The following SLC40A1 variants were observed in gnomAD, a reference collection of about 807,000 sequenced individuals.
The protein encoded by SLC40A1 is ferroportin.
SLC40A1 carries 16 observed loss-of-function variants against 53.5 expected under a neutral mutation model. The ratio of observed to expected loss-of-function variants is 0.30; its 90% CI spans 0.20 to 0.45. SLC40A1 has a LOEUF of 0.45. Ranked by LOEUF, SLC40A1 falls within the 20% of genes least tolerant of loss-of-function variation. The pLI is 1.00. For missense variants in SLC40A1, 545 were observed against 695.4 expected (o/e 0.78, Z 2.43); for synonymous variants, 247 against 253.2 (o/e 0.98, Z 0.23).
At position 189,563,760 on chromosome 2, in the gene SLC40A1, C is replaced by T. The variant is rs564905172; in HGVS notation, c.1226G>A (p.Arg409Gln). The T allele has an allele frequency of 1.7e-5, 28 of 1,614,086 alleles. 1 individual carries two copies. In the South Asian group the frequency reaches 1.9e-4, roughly 11 times the overall value. ...DLSVSPFEDIRSRFIQGESIT... is the reference protein window; with the variant it reads ...DLSVSPFEDIQSRFIQGESIT... ...TGACTCTCCTTGAATGAACCTTGAT[C>T]GGATATCTTCAAAAGGAGAAACGGA... Residue 409 changes from arginine (R) to glutamine (Q), a missense_variant, in exon 7 of 8, where the codon CGA becomes CAA. Arg to Gln is a conservative substitution (Grantham distance 43, BLOSUM62 1). Coordinates refer to ENST00000261024, the MANE Select transcript of SLC40A1 (RefSeq NM_014585.6).
At chr2:189,578,193 A>G in intron 2 of SLC40A1, 28 of 985,078 alleles carry the variant, frequency 2.8e-5, no homozygotes, top group Non-Finnish European at 3.1e-5. Flanking sequence ...GCCACACAAG[A>G]GAAAAAACAT....
intron 5 of SLC40A1, among the ~76,000 whole-genome samples, chr2:189,571,152 A>C (rs963270457): frequency 1.3e-4 from 20 of 152,312 alleles, no homozygotes; most frequent in African/African-American, 4.6e-4. Flanking sequence ...TGAACAACTA[A>C]GATGGTAAGC....
Position 189,572,853 on chromosome 2 carries a change from C to G in SLC40A1, c.380G>C (p.Trp127Ser). The G allele has an allele frequency of 6.2e-7, 1 of 1,607,064 alleles. No homozygotes were observed. The highest frequency in any genetic ancestry group is 8.5e-7 in the Non-Finnish European group (1 of 1,173,764). Residue 127 changes from tryptophan to serine, a missense_variant, in exon 4 of 8, where the codon TGG becomes TCG. Trp to Ser is a radical substitution (Grantham distance 177). Around this residue, in one of 4 missense-constraint regions of SLC40A1, gnomAD observed 197 missense variants for 278.8 expected, o/e 0.71. Coordinates refer to ENST00000261024, the MANE Select transcript of SLC40A1 (RefSeq NM_014585.6). ...KHELLTMYHG[W>S]VLTSCYILII... ...ATCTCATTGAGAACTTACGAGAACC[C>G]ATCCATGGTACATGGTCAGAAGCTC...
chr2:189,565,198 G>C (rs1464355211), intron 6 of SLC40A1, among the ~76,000 whole-genome samples, 156 bp downstream of exon 6: 1 of 152,132 alleles, frequency 6.6e-6, no homozygotes, highest in Non-Finnish European at 1.5e-5. Context: ...ATCCTCAAAA[G>C]CCTGCTCTTG....
rs186073747 is a variant in SLC40A1, at chr2:189,571,243, A to G, written c.514+472T>C. Among the ~76,000 whole-genome samples, 282 of 152,320 alleles carry G rather than the reference A, an allele frequency of 1.9e-3. 1 individual carries two copies. Among genetic ancestry groups the G allele is most frequent in the African/African-American group, 6.4e-3 (267 of 41,588 alleles). On this transcript the variant is annotated intron_variant, in intron 5 of 7. Transcript: ENST00000261024. Reference sequence around the variant, plus strand: ...ATTACATTGTACATAATGTAATAAAATTATAGATTATAACTTTAAGATGGA... The same window carrying G: ...ATTACATTGTACATAATGTAATAAAGTTATAGATTATAACTTTAAGATGGA...
intron 5 of SLC40A1, among the ~76,000 whole-genome samples, chr2:189,568,102 T>C (rs1053688059): frequency 2.6e-5 from 4 of 151,852 alleles, no homozygotes; most frequent in Non-Finnish European, 5.9e-5. Context: ...ATATTATACT[T>C]AGAAAGTTAA....
chr2:189,561,570 G>A lies in SLC40A1; in HGVS notation c.*308C>T, dbSNP rs1172532171. 3.3e-5 allele frequency: 10 copies of A among 302,568 alleles called. No homozygotes were observed. Among genetic ancestry groups the A allele is most frequent in the Non-Finnish European group, 5.0e-5 (8 of 160,264 alleles). The allele number at this position is 302,568 out of a possible 1,614,324, so 18.7% of individuals were successfully genotyped here. On this transcript the variant is annotated 3_prime_UTR_variant, in exon 8 of 8. Coordinates refer to ENST00000261024, the MANE Select transcript of SLC40A1 (RefSeq NM_014585.6). ...TCTGTCAAATGATAACTGAATTCAC[G>A]TGACTAACCACTCTTTTACGTAAGA... is the stretch of plus-strand genomic sequence containing the variant.
At chr2:189,579,502 G>A (rs180904989) in intron 2 of SLC40A1, among the ~76,000 whole-genome samples, 1 of 152,274 alleles carries the variant, frequency 6.6e-6, no homozygotes, top group African/African-American at 2.4e-5. Context: ...TAGCAGATAT[G>A]TCTATTTACC....
intron 2 of SLC40A1, among the ~76,000 whole-genome samples, chr2:189,578,067 C>G (rs2031345676): frequency 1.3e-5 from 2 of 152,110 alleles, no homozygotes; most frequent in Admixed American, 1.3e-4. Context: ...ACGTTCAGTG[C>G]ATAAGAAATC....
At chr2:189,566,997 A>G (rs1378580549) in intron 5 of SLC40A1, among the ~76,000 whole-genome samples, 1 of 152,204 alleles carries the variant, frequency 6.6e-6, no homozygotes, top group Non-Finnish European at 1.5e-5. Context: ...GTTGGATTTA[A>G]CCAAAGTCTT....
chr2:189,578,639 T>A (rs2031367304), intron 2 of SLC40A1, among the ~76,000 whole-genome samples: 1 of 152,226 alleles, frequency 6.6e-6, no homozygotes, highest in African/African-American at 2.4e-5. Flanking sequence ...AAACTATTGC[T>A]TTTTATTTAT....
chr2:189,565,710 T>C (rs530071973), intron 5 of SLC40A1, 111 bp from the exon 6 acceptor site: 2 of 1,466,486 alleles, frequency 1.4e-6, no homozygotes, highest in East Asian at 4.5e-5. Context: ...TAAAATGTGG[T>C]TTTCTAAAAG....
At chr2:189,579,974 A>T in intron 1 of SLC40A1, 94 bp from the exon 2 acceptor site, 1 of 1,279,828 alleles carries the variant, frequency 7.8e-7, no homozygotes, top group East Asian at 2.4e-5. Context: ...TTAGAACATG[A>T]TTATTAAAAA....
intron 4 of SLC40A1, 142 bp from the exon 5 acceptor site, chr2:189,571,983 G>A (rs1431841499): frequency 5.3e-5 from 36 of 674,014 alleles, no homozygotes; most frequent in South Asian, 2.4e-4. Flanking sequence ...ATCATTTTAC[G>A]TTATAGATAT....
At chr2:189,569,832 A>G (rs2031065082) in intron 5 of SLC40A1, among the ~76,000 whole-genome samples, 2 of 152,150 alleles carry the variant, frequency 1.3e-5, no homozygotes, top group Admixed American at 1.3e-4. Context: ...ACTCTGCAAT[A>G]ATTCATAATA....
chr2:189,571,597 T>G, intron 5 of SLC40A1, 118 bp downstream of exon 5: 1 of 1,494,124 alleles, frequency 6.7e-7, no homozygotes, highest in South Asian at 1.2e-5. Context: ...ATGCTTTCAA[T>G]TTATCATTCT....
intron 2 of SLC40A1, among the ~76,000 whole-genome samples, chr2:189,577,767 T>C (rs2031335644): frequency 5.3e-5 from 8 of 151,778 alleles, no homozygotes. Flanking sequence ...GTGTGTCTCA[T>C]GACACCTGGC....
intron 2 of SLC40A1, among the ~76,000 whole-genome samples, chr2:189,577,351 C>T (rs1224237152): frequency 1.3e-5 from 2 of 152,108 alleles, no homozygotes; most frequent in African/African-American, 4.8e-5. Flanking sequence ...GCACAGGGCA[C>T]GTGCTGCTAT....
At chr2:189,580,359 G>C in intron 1 of SLC40A1, 59 bp downstream of exon 1, 1 of 1,540,050 alleles carries the variant, frequency 6.5e-7, no homozygotes, top group Non-Finnish European at 9.0e-7. Flanking sequence ...GTGTAGAGTT[G>C]CTTGTCTCCA....
Sources: gnomAD v4.1 joint callset for allele counts (sites outside exome capture counted in the v4.1 genomes callset) on GRCh38, gnomAD v4.1.1 for gene constraint, gnomAD v4.1.1 regional missense constraint, MANE v1.5 for transcripts, NCBI Gene and HGNC (gene_info 2026-07-23, HGNC 2026-07-21) for gene names.